COL24A1: variants seen among roughly 807,000 people sequenced by gnomAD.
COL24A1 encodes the protein collagen alpha-1(XXIV) chain.
A neutral mutation model predicts 253.9 loss-of-function variants in COL24A1; 224 were observed. That is an observed-to-expected ratio of 0.88 (90% CI 0.79 to 0.99). COL24A1 has a LOEUF of 0.99. Ranked by LOEUF, COL24A1 falls within the 50% of genes least tolerant of loss-of-function variation. The pLI is 0.00. For synonymous variants in COL24A1, 685 were observed against 673.7 expected (o/e 1.02, Z -0.26); for missense variants, 2,131 against 2,068.5 (o/e 1.03, Z -0.59).
intron 5 of COL24A1, among the ~76,000 whole-genome samples, chr1:86,094,713 C>T (rs1056077934): frequency 6.6e-6 from 1 of 151,828 alleles, no homozygotes; most frequent in African/African-American, 2.4e-5. Context: ...ATTAAGGCTA[C>T]AATTTTAGGT....
intron 7 of COL24A1, among the ~76,000 whole-genome samples, chr1:86,077,997 A>G (rs550576296): frequency 6.6e-6 from 1 of 152,320 alleles, no homozygotes; most frequent in East Asian, 1.9e-4. Context: ...AAAAAATTAA[A>G]AAAAGAAAAC....
intron 2 of COL24A1, among the ~76,000 whole-genome samples, chr1:86,134,221 C>T (rs1649824487): frequency 6.7e-6 from 1 of 148,880 alleles, no homozygotes. Context: ...TTTATTGCGT[C>T]TATTTGATTC....
At chr1:85,904,356 T>C (rs1027481598) in intron 28 of COL24A1, among the ~76,000 whole-genome samples, 1 of 152,148 alleles carries the variant, frequency 6.6e-6, no homozygotes, top group Non-Finnish European at 1.5e-5. Context: ...CAGAGGCGTA[T>C]AATGGAGTAA....
intron 24 of COL24A1, among the ~76,000 whole-genome samples, chr1:85,957,117 A>G (rs984660657): frequency 2.0e-5 from 3 of 152,172 alleles, no homozygotes; most frequent in Admixed American, 1.3e-4. Flanking sequence ...GCATGTTCTC[A>G]CACATAAGTG....
At chr1:85,852,245 G>A (rs1175093266) in intron 37 of COL24A1, among the ~76,000 whole-genome samples, 2 of 151,944 alleles carry the variant, frequency 1.3e-5, no homozygotes, top group Non-Finnish European at 1.5e-5. Context: ...CAAAAATCAA[G>A]TTTCAAAATA....
chr1:86,147,897 G>C (rs1652130734), intron 1 of COL24A1, among the ~76,000 whole-genome samples: 2 of 152,192 alleles, frequency 1.3e-5, no homozygotes, highest in South Asian at 4.1e-4. Context: ...CACTAGGTCA[G>C]TGGTTTTCAA....
At chr1:86,133,626 GGC>G (rs1304643035) in intron 2 of COL24A1, among the ~76,000 whole-genome samples, 1 of 152,164 alleles carries the variant, frequency 6.6e-6, no homozygotes, top group Non-Finnish European at 1.5e-5. Context: ...TTTCGTCATT[GGC>G]TCTGTTTATA....
chr1:86,142,150 T>C (rs968870757), intron 2 of COL24A1, among the ~76,000 whole-genome samples: 1 of 148,370 alleles, frequency 6.7e-6, no homozygotes, highest in African/African-American at 2.5e-5. Flanking sequence ...CTTACAGAGA[T>C]AAAAGTAGAC....
chr1:85,818,161 G>A, intron 45 of COL24A1, 74 bp from the exon 46 acceptor site: 4 of 1,185,952 alleles, frequency 3.4e-6, no homozygotes, highest in Non-Finnish European at 5.0e-6. Flanking sequence ...AAAGGACACT[G>A]AGACCTGGAC....
At chr1:85,838,394 T>C (rs1256812356) in intron 43 of COL24A1, among the ~76,000 whole-genome samples, 191 bp downstream of exon 43, 1 of 151,940 alleles carries the variant, frequency 6.6e-6, no homozygotes, top group Non-Finnish European at 1.5e-5. Flanking sequence ...ATCTGAATGA[T>C]GAGAAAAAGC....
chr1:86,139,641 A>G (rs1434658407), intron 2 of COL24A1, among the ~76,000 whole-genome samples: 1 of 152,202 alleles, frequency 6.6e-6, no homozygotes, highest in African/African-American at 2.4e-5. Flanking sequence ...TTAACTATTA[A>G]ATAACTAAAT....
chr1:86,063,062 AG>A (rs148260147), intron 8 of COL24A1, among the ~76,000 whole-genome samples: 1,731 of 152,244 alleles, frequency 0.011, 36 homozygotes, highest in African/African-American at 0.039. Flanking sequence ...TTTTCAATAT[AG>A]TACACACCAT....
At chr1:85,836,560 T>C (rs960877594) in intron 43 of COL24A1, among the ~76,000 whole-genome samples, 2 of 152,196 alleles carry the variant, frequency 1.3e-5, no homozygotes, top group Admixed American at 6.5e-5. Flanking sequence ...GTGGTTCCTC[T>C]GTATAAATCA....
intron 56 of COL24A1, 28 bp downstream of exon 56, chr1:85,745,413 C>T (rs775035773): frequency 3.6e-5 from 55 of 1,540,842 alleles, no homozygotes; most frequent in Non-Finnish European, 4.7e-5. Context: ...AGAGACAGTG[C>T]CAATATAAAT....
chr1:86,023,297 T>C (rs1208583904), intron 14 of COL24A1, among the ~76,000 whole-genome samples: 1 of 152,190 alleles, frequency 6.6e-6, no homozygotes, highest in Non-Finnish European at 1.5e-5. Flanking sequence ...CATCTTGCAA[T>C]ATTTCTCCAA....
intron 2 of COL24A1, among the ~76,000 whole-genome samples, chr1:86,129,686 G>A (rs1243181847): frequency 1.3e-5 from 2 of 151,708 alleles, no homozygotes; most frequent in African/African-American, 4.8e-5. Context: ...TAAATTTTCA[G>A]TTAGGAAGGT....
At chr1:85,744,955 G>C (rs1363042363) in intron 56 of COL24A1, 121 bp from the exon 57 acceptor site, 2 of 695,922 alleles carry the variant, frequency 2.9e-6, no homozygotes, top group East Asian at 5.4e-5. Context: ...GTAAAGAACA[G>C]TTTATATTTA....
intron 39 of COL24A1, among the ~76,000 whole-genome samples, chr1:85,845,521 T>C (rs1677065525): frequency 6.6e-6 from 1 of 151,936 alleles, no homozygotes; most frequent in Non-Finnish European, 1.5e-5. Flanking sequence ...CAAGGTTTTC[T>C]TCATCATGAC....
rs1304664262 is a variant in COL24A1 at position 85,929,886 on chromosome 1, G to A, written c.2563-18453C>T. Among the ~76,000 whole-genome samples the A allele has an allele frequency of 8.9e-3, 1,205 of 134,832 alleles. 14 individuals carry two copies. Among genetic ancestry groups the A allele is most frequent in the African/African-American group, 0.032 (1,113 of 35,122 alleles). The allele number at this position is 134,832 out of a possible 152,430, so 88.5% of individuals were successfully genotyped here. The stretch of plus-strand genomic sequence containing the variant: ...AATAAAGATGTTCTTTGAAACCAAC[G>A]AGAACAAAGACACCACATACCAGAA... On this transcript the variant is annotated intron_variant, in intron 24 of 59. Coordinates refer to ENST00000370571, the MANE Select transcript of COL24A1 (RefSeq NM_152890.7).
Sources: allele counts gnomAD v4.1 joint callset (sites outside exome capture counted in the v4.1 genomes callset), GRCh38; gene constraint gnomAD v4.1.1; transcripts MANE v1.5; gene names NCBI Gene and HGNC (gene_info 2026-07-23, HGNC 2026-07-21).